Variants in CUX1 observed in about 807,000 individuals in gnomAD.
The protein encoded by CUX1 is cut like homeobox 1.
In CUX1, 31 loss-of-function variants were observed where a neutral mutation model predicts 158.8. The observed-to-expected ratio is 0.20, with a 90% CI of 0.15 to 0.26. The LOEUF (loss-of-function observed/expected upper bound fraction) is 0.26, where lower values mean the gene tolerates loss of function less well. Ranked by LOEUF, CUX1 falls within the 10% of genes least tolerant of loss-of-function variation. CUX1 has a pLI of 1.00. For synonymous variants in CUX1, 879 were observed against 862.1 expected (o/e 1.02, Z -0.34); for missense variants, 1,589 against 2,014.6 (o/e 0.79, Z 4.04).
intron 3 of CUX1, among the ~76,000 whole-genome samples, chr7:102,044,034 C>T (rs150378403): frequency 1.3e-4 from 20 of 152,176 alleles, no homozygotes; most frequent in South Asian, 2.1e-4. Context: ...TGCAGACTGG[C>T]GTGCGGTGGT....
At chr7:102,167,713 A>G (rs575851999) in intron 9 of CUX1, among the ~76,000 whole-genome samples, 62 of 152,334 alleles carry the variant, frequency 4.1e-4, no homozygotes, top group Admixed American at 1.8e-3. Flanking sequence ...CATCAGAAAC[A>G]CTTGGCATGA....
exon 23 of CUX1, chr7:102,283,780 C>T (rs1792297802): frequency 6.6e-6 from 1 of 152,670 alleles, no homozygotes; most frequent in Non-Finnish European, 1.5e-5. Context: ...CCCCCGAGCC[C>T]CAGTCTCTTC....
At chr7:101,860,739 T>C (rs111473793) in intron 1 of CUX1, among the ~76,000 whole-genome samples, 900 of 77,190 alleles carry the variant, frequency 0.012, 11 homozygotes, top group African/African-American at 0.043. Flanking sequence ...CTTCCTCCCT[T>C]CCTTCCTTCC....
intron 2 of CUX1, among the ~76,000 whole-genome samples, chr7:101,917,364 A>G (rs1252582441): frequency 6.6e-6 from 1 of 152,216 alleles, no homozygotes; most frequent in Non-Finnish European, 1.5e-5. Flanking sequence ...TTTAGGAGAA[A>G]GCTTGGTAGC....
chr7:102,270,007 G>A (rs957775927), intron 14 of CUX1, among the ~76,000 whole-genome samples: 2 of 152,288 alleles, frequency 1.3e-5, no homozygotes, highest in East Asian at 1.9e-4. Context: ...GGCCAGGCCC[G>A]GGCCTCCCCA....
At position 102,216,616 on chromosome 7, in the gene CUX1, TCCC is replaced by T. The variant is rs782129227; in HGVS notation, c.3131-10749_3131-10747del. Among the ~76,000 whole-genome samples the T allele has an allele frequency of 1.5e-3, 12 of 7,982 alleles. No homozygotes were observed. The East Asian group carries it at 0.021, about 14-fold the overall frequency. The allele number at this position is 7,982 out of a possible 152,430, so 5.2% of individuals were successfully genotyped here. On this transcript the variant is annotated intron_variant, in intron 20 of 23. Transcript: ENST00000292535. Reference sequence around the variant, plus strand: ...CACACTCCCACACACACACACACACTCCCCACACACACACCCCCACACACGCAC... The same window carrying T: ...CACACTCCCACACACACACACACACTCACACACACACCCCCACACACGCAC...
At position 102,250,433 on chromosome 7, in the gene CUX1, G is replaced by T; in HGVS notation, c.*1391G>T. 1 of 985,502 alleles carries T rather than the reference G, an allele frequency of 1.0e-6. No individual in the cohort carries two copies. The highest frequency in any genetic ancestry group is 1.2e-6 in the Non-Finnish European group (1 of 830,002). 61.0% of individuals were successfully genotyped at this position (985,502 alleles called of 1,614,324 possible). On this transcript the variant is annotated 3_prime_UTR_variant, in exon 24 of 24. Transcript: ENST00000292535. Reference sequence around the variant, plus strand: ...CCTCCCAGGGGAAGACACTCCCCAGGCCTGGGCAGGGCTTACACGCGCACT... The same window carrying T: ...CCTCCCAGGGGAAGACACTCCCCAGTCCTGGGCAGGGCTTACACGCGCACT...
intron 1 of CUX1, among the ~76,000 whole-genome samples, chr7:101,821,671 C>CTTTTTTCTTTTTTTT (rs1792578785): frequency 1.9e-5 from 1 of 51,302 alleles, no homozygotes; most frequent in African/African-American, 8.1e-5. Flanking sequence ...TTTCTTTTTT[C>CTTTTTTCTTTTTTTT]TTTTTTTTTT....
At chr7:102,226,617 C>T (rs1395904474) in intron 20 of CUX1, among the ~76,000 whole-genome samples, 1 of 150,436 alleles carries the variant, frequency 6.6e-6, no homozygotes, top group Non-Finnish European at 1.5e-5. Context: ...CTTATGTTTC[C>T]GCAGTTGTTG....
In CUX1 at chr7:102,253,284, C is replaced by T; in HGVS notation, c.*4242C>T. On this transcript the variant is annotated 3_prime_UTR_variant, in exon 24 of 24. Transcript: ENST00000292535. ...GGTGGCCAGCTCTCATACCCCATCT[C>T]CCTCCTTGGCCAGGGCCAGCATCAG... 1.0e-6 allele frequency: 1 copy of T among 985,612 alleles called. No homozygotes were observed. Among genetic ancestry groups the T allele is most frequent in the Non-Finnish European group, 1.2e-6 (1 of 830,060 alleles). 61.1% of individuals were successfully genotyped at this position (985,612 alleles called of 1,614,324 possible). A position where few individuals can be genotyped will look rare whatever the true frequency, so the allele number is the denominator to read the frequency against.
At chr7:101,985,604 G>A (rs563654198) in intron 2 of CUX1, among the ~76,000 whole-genome samples, 26 of 152,298 alleles carry the variant, frequency 1.7e-4, no homozygotes, top group African/African-American at 6.3e-4. Flanking sequence ...CTTGGACTCC[G>A]GAGCCAGGTG....
Position 101,990,362 on chromosome 7 carries a change from T to TTTTG in CUX1, c.142-37708_142-37705dup, listed in dbSNP as rs139077977. On this transcript the variant is annotated intron_variant, in intron 2 of 23. Transcript: ENST00000292535. ...GGGCAACAGAGCCAGACCCCATCTC[T>TTTTG]TTTGTTTGTTTGTTTGTTTGTTTGT... Among the ~76,000 whole-genome samples the TTTTG allele has an allele frequency of 4.0e-3, 597 of 150,604 alleles. 8 individuals carry two copies. The highest frequency in any genetic ancestry group is 0.027 in the South Asian group (129 of 4,750).
chr7:102,243,638 T>TAA (rs1256592005), intron 23 of CUX1, among the ~76,000 whole-genome samples: 2 of 123,890 alleles, frequency 1.6e-5, no homozygotes, highest in Admixed American at 1.6e-4. Context: ...CAGAAAATAA[T>TAA]AATAATAATA....
chr7:101,844,184 G>T (rs1011841757), intron 1 of CUX1, among the ~76,000 whole-genome samples: 2 of 43,666 alleles, frequency 4.6e-5, no homozygotes, highest in East Asian at 7.7e-4. Flanking sequence ...CCCCCTCCCC[G>T]CCCCCGCCCC....
exon 15 of CUX1, chr7:102,273,475 C>T (rs781805496): frequency 6.2e-7 from 1 of 1,611,922 alleles, no homozygotes; most frequent in African/African-American, 1.3e-5. Context: ...TTCAGTCCAT[C>T]CAGCGGCCCG....
intron 2 of CUX1, among the ~76,000 whole-genome samples, chr7:101,973,304 G>A (rs561381859): frequency 3.3e-5 from 5 of 152,138 alleles, no homozygotes; most frequent in Admixed American, 2.0e-4. Flanking sequence ...GGCTCTGACC[G>A]CAGCTGGACT....
chr7:101,947,585 C>T (rs1351852788), intron 2 of CUX1, among the ~76,000 whole-genome samples: 1 of 152,072 alleles, frequency 6.6e-6, no homozygotes, highest in Non-Finnish European at 1.5e-5. Flanking sequence ...AAATGAATTC[C>T]ATCTTAAATC....
intron 20 of CUX1, among the ~76,000 whole-genome samples, chr7:102,219,055 AACACACACACACAC>A (rs3138788): frequency 3.0e-4 from 38 of 126,354 alleles, no homozygotes; most frequent in South Asian, 5.9e-4. Context: ...CCTGCCTCAA[AACACACACACACAC>A]ACACACACAC....
chr7:102,192,145 G>A (rs540915249), intron 12 of CUX1, among the ~76,000 whole-genome samples: 54 of 152,218 alleles, frequency 3.5e-4, no homozygotes, highest in Admixed American at 7.2e-4. Flanking sequence ...TCTCAGCATC[G>A]TCCCATTTCC....
Sources: allele counts gnomAD v4.1 joint callset (sites outside exome capture counted in the v4.1 genomes callset), GRCh38; gene constraint gnomAD v4.1.1; transcripts MANE v1.5; gene names NCBI Gene and HGNC (gene_info 2026-07-23, HGNC 2026-07-21).